TMEM117: variants seen among roughly 807,000 people sequenced by gnomAD.
TMEM117 encodes the protein transmembrane protein 117.
In TMEM117, 27 loss-of-function variants were observed where a neutral mutation model predicts 52.4. The observed-to-expected ratio is 0.51, with a 90% confidence interval of 0.38 to 0.71. TMEM117 has a LOEUF of 0.71. TMEM117 is among the 30% of genes least tolerant of loss of function. The probability of loss-of-function intolerance (pLI) is 0.00; values close to 1 mark genes in which losing one functional copy is unlikely to be tolerated. For missense variants in TMEM117, 556 were observed against 630.5 expected (o/e 0.88, Z 1.26); for synonymous variants, 215 against 206.3 (o/e 1.04, Z -0.36).
the TMEM117 span, among the ~76,000 whole-genome samples, chr12:43,806,998 G>A: frequency 6.6e-6 from 1 of 152,174 alleles, no homozygotes; most frequent in Admixed American, 6.5e-5. Context: ...ATTTAATCCA[G>A]TAATTATTCA....
At chr12:44,040,037 G>A (rs1340398195) in intron 3 of TMEM117, among the ~76,000 whole-genome samples, 2 of 152,124 alleles carry the variant, frequency 1.3e-5, no homozygotes, top group Non-Finnish European at 2.9e-5. Context: ...CCTGGGGAGT[G>A]GGAGAAGCAG....
the TMEM117 span, chr12:43,800,566 G>C: frequency 1.3e-6 from 2 of 1,509,426 alleles, no homozygotes; most frequent in Non-Finnish European, 1.8e-6. Flanking sequence ...GTTTATAGAT[G>C]AAAACATAAC....
chr12:44,055,248 A>T (rs1368886952), intron 3 of TMEM117, among the ~76,000 whole-genome samples: 1 of 152,244 alleles, frequency 6.6e-6, no homozygotes, highest in Non-Finnish European at 1.5e-5. Flanking sequence ...AATGCAGATT[A>T]GATAAAATTG....
chr12:44,187,865 CTTACCA>C (rs1424956923), intron 4 of TMEM117, among the ~76,000 whole-genome samples: 1 of 152,088 alleles, frequency 6.6e-6, no homozygotes, highest in East Asian at 1.9e-4. Flanking sequence ...CAATGATTTA[CTTACCA>C]TTGATCTATC....
intron 3 of TMEM117, among the ~76,000 whole-genome samples, chr12:44,083,936 A>C (rs533613068): frequency 3.9e-5 from 6 of 152,282 alleles, no homozygotes; most frequent in African/African-American, 1.4e-4. Context: ...TTCCTAAATT[A>C]AATTCAGTTT....
intron 3 of TMEM117, among the ~76,000 whole-genome samples, chr12:44,008,358 C>T (rs1946235120): frequency 1.3e-5 from 2 of 152,144 alleles, no homozygotes; most frequent in Admixed American, 1.3e-4. Flanking sequence ...TTCGAATAAC[C>T]AGATACATAC....
the TMEM117 span, among the ~76,000 whole-genome samples, chr12:43,808,598 A>C: frequency 6.6e-6 from 1 of 152,056 alleles, no homozygotes; most frequent in African/African-American, 2.4e-5. Flanking sequence ...AAATGAATGA[A>C]GCTAATAAAT....
intron 4 of TMEM117, among the ~76,000 whole-genome samples, chr12:44,192,423 A>G (rs991471421): frequency 1.3e-5 from 2 of 152,208 alleles, no homozygotes; most frequent in African/African-American, 4.8e-5. Flanking sequence ...ATTTGGCTGC[A>G]GTGCTAAATT....
intron 3 of TMEM117, among the ~76,000 whole-genome samples, chr12:44,071,197 G>C (rs1236256467): frequency 1.3e-5 from 2 of 152,094 alleles, no homozygotes; most frequent in African/African-American, 2.4e-5. Context: ...AATAGCTCTG[G>C]GAGCAGAACA....
At chr12:43,900,199 T>C (rs7300018) in intron 2 of TMEM117, among the ~76,000 whole-genome samples, 2 of 152,002 alleles carry the variant, frequency 1.3e-5, no homozygotes, top group African/African-American at 4.8e-5. Context: ...GCATATAGGG[T>C]TTTTTGGTTT....
intron 2 of TMEM117, among the ~76,000 whole-genome samples, chr12:43,916,638 C>T (rs1478800192): frequency 2.6e-5 from 4 of 152,142 alleles, no homozygotes; most frequent in African/African-American, 9.7e-5. Flanking sequence ...GATCTTTGAA[C>T]ATTGTCAGAA....
At chr12:44,233,573 C>G (rs1217220137) in intron 5 of TMEM117, among the ~76,000 whole-genome samples, 1 of 151,276 alleles carries the variant, frequency 6.6e-6, no homozygotes, top group Non-Finnish European at 1.5e-5. Flanking sequence ...AAAACAATAG[C>G]TACATCACTG....
intron 3 of TMEM117, among the ~76,000 whole-genome samples, chr12:43,985,718 A>G (rs1434790826): frequency 6.6e-6 from 1 of 152,226 alleles, no homozygotes; most frequent in Non-Finnish European, 1.5e-5. Context: ...GAAACTGAAA[A>G]TGAAGGTGAT....
At chr12:44,189,571 G>GA (rs1949324502) in intron 4 of TMEM117, among the ~76,000 whole-genome samples, 1 of 152,044 alleles carries the variant, frequency 6.6e-6, no homozygotes. Context: ...ACATCTGAAA[G>GA]AAAAAATAAA....
At chr12:44,054,661 A>G (rs980035532) in intron 3 of TMEM117, among the ~76,000 whole-genome samples, 5 of 151,540 alleles carry the variant, frequency 3.3e-5, no homozygotes, top group African/African-American at 7.3e-5. Flanking sequence ...GTTAGGTTGT[A>G]TGTGACAATG....
intron 3 of TMEM117, among the ~76,000 whole-genome samples, chr12:44,118,215 G>A (rs1207037604): frequency 6.6e-6 from 1 of 152,082 alleles, no homozygotes; most frequent in Non-Finnish European, 1.5e-5. Context: ...TAAATAAAAG[G>A]ACAATATTTT....
intron 2 of TMEM117, among the ~76,000 whole-genome samples, chr12:43,848,566 T>C (rs1189071867): frequency 6.6e-6 from 1 of 152,200 alleles, no homozygotes; most frequent in Non-Finnish European, 1.5e-5. Context: ...TCAGACCTTA[T>C]GGTTGTCTTC....
chr12:44,195,566 A>G (rs1461796479), intron 4 of TMEM117, among the ~76,000 whole-genome samples: 1 of 152,170 alleles, frequency 6.6e-6, no homozygotes, highest in East Asian at 1.9e-4. Context: ...TAAAACGTAA[A>G]GTAATAATGC....
chr12:43,934,294 T>C (rs952556986), intron 2 of TMEM117, among the ~76,000 whole-genome samples: 4 of 152,174 alleles, frequency 2.6e-5, no homozygotes, highest in African/African-American at 9.6e-5. Flanking sequence ...CTTTATTTCC[T>C]CTTGGAGTCA....
Sources: allele counts gnomAD v4.1 joint callset (sites outside exome capture counted in the v4.1 genomes callset), GRCh38; gene constraint gnomAD v4.1.1; transcripts MANE v1.5; gene names NCBI Gene and HGNC (gene_info 2026-07-23, HGNC 2026-07-21).